PITPNM3: variants seen among roughly 807,000 people sequenced by gnomAD.
PITPNM3 encodes PITPNM family member 3.
A neutral mutation model predicts 102.0 loss-of-function variants in PITPNM3; 26 were observed. The observed-to-expected ratio is 0.25, with a 90% confidence interval of 0.19 to 0.35. The LOEUF is 0.35. Among genes scored for constraint, PITPNM3 ranks in the 10% least tolerant of loss-of-function variants. The probability of loss-of-function intolerance (pLI) is 1.00; values close to 1 mark genes in which losing one functional copy is unlikely to be tolerated. For synonymous variants in PITPNM3, 578 were observed against 558.6 expected (o/e 1.03, Z -0.49); for missense variants, 1,083 against 1,346.1 (o/e 0.80, Z 3.06).
chr17:6,502,127 G>C (rs1208447353), intron 4 of PITPNM3, among the ~76,000 whole-genome samples: 1 of 152,246 alleles, frequency 6.6e-6, no homozygotes, highest in Non-Finnish European at 1.5e-5. Context: ...CTTTGTCTAT[G>C]AAATTGCCAT....
chr17:6,555,159 G>A (rs1266949924), intron 1 of PITPNM3, among the ~76,000 whole-genome samples: 2 of 152,220 alleles, frequency 1.3e-5, no homozygotes, highest in Non-Finnish European at 2.9e-5. Flanking sequence ...AGGGAGGGGA[G>A]TGAGAAGGCT....
chr17:6,542,204 C>T (rs1281586761), intron 1 of PITPNM3, among the ~76,000 whole-genome samples: 1 of 152,342 alleles, frequency 6.6e-6, no homozygotes, highest in East Asian at 1.9e-4. Flanking sequence ...GTTCTAGAAC[C>T]ATCTGCCCAT....
chr17:6,546,908 A>T (rs1280097693), intron 1 of PITPNM3, among the ~76,000 whole-genome samples: 1 of 152,134 alleles, frequency 6.6e-6, no homozygotes, highest in Non-Finnish European at 1.5e-5. Flanking sequence ...CGGGAGGCTG[A>T]GGCAGGGAGA....
intron 4 of PITPNM3, among the ~76,000 whole-genome samples, chr17:6,501,550 C>T (rs976923166): frequency 6.6e-6 from 1 of 152,198 alleles, no homozygotes; most frequent in Non-Finnish European, 1.5e-5. Context: ...GAGCCCTCGA[C>T]ATGCAAATCA....
At chr17:6,555,941 G>A (rs1001134994) in intron 1 of PITPNM3, among the ~76,000 whole-genome samples, 2 of 152,192 alleles carry the variant, frequency 1.3e-5, no homozygotes, top group African/African-American at 4.8e-5. Flanking sequence ...ACGGGGGCTG[G>A]GGCGGGGGGT....
chr17:6,464,708 C>G lies in PITPNM3; in HGVS notation c.1954G>C (p.Val652Leu). 1.2e-6 allele frequency: 2 copies of G among 1,614,212 alleles called. No homozygotes were observed. Among genetic ancestry groups the G allele is most frequent in the East Asian group, 4.5e-5 (2 of 44,892 alleles). ...IAAEDGPQVL[V>L]GRFMYGPLDM... ...AGGGGCCCGTACATGAACCGCCCCA[C>G]CAGGACCTGGGGGCCATCTTCAGCA... is the stretch of plus-strand genomic sequence containing the variant. The change falls in exon 15 of 20, where the codon GTG becomes CTG. Residue 652 changes from valine to leucine, a missense_variant. Around this residue, in one of 5 missense-constraint regions of PITPNM3, gnomAD observed 410 missense variants for 638.4 expected, o/e 0.64. Transcript: ENST00000262483.
intron 1 of PITPNM3, among the ~76,000 whole-genome samples, chr17:6,549,072 C>T (rs1910175500): frequency 6.6e-6 from 1 of 152,072 alleles, no homozygotes; most frequent in African/African-American, 2.4e-5. Context: ...GAACCTTCCC[C>T]TGGTAGGTGG....
intron 14 of PITPNM3, among the ~76,000 whole-genome samples, chr17:6,467,069 A>AAAAAAAAAC (rs1904813690): frequency 3.4e-5 from 1 of 29,364 alleles, no homozygotes; most frequent in Admixed American, 4.9e-4. Context: ...TCTCAAAACA[A>AAAAAAAAAC]AAAAAAAAAA....
At chr17:6,464,075 C>T (rs553847927) in intron 16 of PITPNM3, 95 bp downstream of exon 16, 12 of 1,590,902 alleles carry the variant, frequency 7.5e-6, no homozygotes, top group South Asian at 3.3e-5. Context: ...TGGGGGCCCA[C>T]AAAGAACCCC....
Position 6,503,589 on chromosome 17 carries a change from A to G in PITPNM3, c.227-15T>C. On this transcript the variant is annotated splice_polypyrimidine_tract_variant and intron_variant, in intron 3 of 19. Coordinates refer to ENST00000262483, the MANE Select transcript of PITPNM3 (RefSeq NM_031220.4). ...GGTCCCTTCTCCTGCAGAAAAAGAAAAGAAACATGAGCAGATCCTTGACAC... is the reference window on the plus strand; with the variant it reads ...GGTCCCTTCTCCTGCAGAAAAAGAAGAGAAACATGAGCAGATCCTTGACAC... 1 of 1,606,818 alleles carries G rather than the reference A, an allele frequency of 6.2e-7. No homozygotes were observed.
chr17:6,486,163 G>A (rs1051443297), intron 4 of PITPNM3, among the ~76,000 whole-genome samples: 1 of 152,170 alleles, frequency 6.6e-6, no homozygotes, highest in African/African-American at 2.4e-5. Context: ...GCTGCCTTCA[G>A]CTCCTCTCCT....
chr17:6,536,902 T>G (rs2309594), intron 2 of PITPNM3, among the ~76,000 whole-genome samples: 76,610 of 152,010 alleles, frequency 0.5, 19,543 homozygotes, highest in African/African-American at 0.55. Flanking sequence ...GGGCTGTGGA[T>G]CAGGACCCTG....
intron 4 of PITPNM3, among the ~76,000 whole-genome samples, chr17:6,491,452 A>C (rs1328704400): frequency 6.6e-6 from 1 of 152,148 alleles, no homozygotes; most frequent in Non-Finnish European, 1.5e-5. Flanking sequence ...TTTTAAAAAC[A>C]GGGGAAATTT....
intron 3 of PITPNM3, among the ~76,000 whole-genome samples, chr17:6,516,577 A>AC (rs1036615248): frequency 5.3e-5 from 8 of 151,688 alleles, no homozygotes; most frequent in African/African-American, 1.9e-4. Flanking sequence ...AAAAAAAAAA[A>AC]AACAAAGAAA....
chr17:6,478,235 A>C lies in PITPNM3; in HGVS notation c.778-138T>G, dbSNP rs1905436297. The C allele has an allele frequency of 7.0e-7, 1 of 1,429,126 alleles. No individual in the cohort carries two copies. Among genetic ancestry groups the C allele is most frequent in the Admixed American group, 2.0e-5 (1 of 51,072 alleles). The allele number at this position is 1,429,126 out of a possible 1,614,324, so 88.5% of individuals were successfully genotyped here. Reference sequence around the variant, plus strand: ...AGGTGTTGAGAGAGCCCAACTGGGAAGCAGTGTGCAAACTGGGGAGGGTCA... The same window carrying C: ...AGGTGTTGAGAGAGCCCAACTGGGACGCAGTGTGCAAACTGGGGAGGGTCA... On this transcript the variant is annotated intron_variant, in intron 7 of 19. Coordinates refer to ENST00000262483, the MANE Select transcript of PITPNM3 (RefSeq NM_031220.4). The surrounding 1 kb of genome is among the most constrained non-coding windows in gnomAD (Gnocchi z 4.4).
chr17:6,497,836 C>T (rs1377369544), intron 4 of PITPNM3, among the ~76,000 whole-genome samples: 1 of 152,222 alleles, frequency 6.6e-6, no homozygotes, highest in African/African-American at 2.4e-5. Context: ...ATCTGCCCCC[C>T]AACCCATCCT....
chr17:6,512,719 C>A (rs564923043), intron 3 of PITPNM3, among the ~76,000 whole-genome samples: 97 of 152,274 alleles, frequency 6.4e-4, no homozygotes, highest in Non-Finnish European at 1.2e-3. Context: ...AAATAGCTCT[C>A]TGGAATGCTA....
Position 6,474,625 on chromosome 17 carries a change from A to G in PITPNM3, c.1086-21T>C, listed in dbSNP as rs115037070. The G allele has an allele frequency of 3.2e-3, 4,909 of 1,549,972 alleles. 169 individuals are homozygous for G. The African/African-American group carries it at 0.06, about 19-fold the overall frequency. ...GGATGCTGCGGAGGGAGGAGGACGC[A>G]GGGCAGGGCAGGTCAGGGAAGGACC... On this transcript the variant is annotated intron_variant, in intron 9 of 19. Coordinates refer to ENST00000262483, the MANE Select transcript of PITPNM3 (RefSeq NM_031220.4).
At chr17:6,507,026 C>T (rs1209876882) in intron 3 of PITPNM3, among the ~76,000 whole-genome samples, 1 of 152,174 alleles carries the variant, frequency 6.6e-6, no homozygotes, top group Non-Finnish European at 1.5e-5. Context: ...GGACAGCTGC[C>T]TCGCCCCAAG....
Sources: gnomAD v4.1 joint callset for allele counts (sites outside exome capture counted in the v4.1 genomes callset) on GRCh38, gnomAD v4.1.1 for gene constraint, gnomAD v4.1.1 regional missense constraint, Gnocchi (gnomAD v3.1) non-coding constraint, MANE v1.5 for transcripts, NCBI Gene and HGNC (gene_info 2026-07-23, HGNC 2026-07-21) for gene names.